The following ZFP2 variants were observed in gnomAD, a reference collection of about 807,000 sequenced individuals.
ZFP2 encodes the protein ZFP2 zinc finger protein.
In ZFP2, 33 loss-of-function variants were observed where a neutral mutation model predicts 36.1. The ratio of observed to expected loss-of-function variants is 0.92; its 90% confidence interval spans 0.69 to 1.22. The LOEUF (loss-of-function observed/expected upper bound fraction) is 1.22, where lower values mean the gene tolerates loss of function less well. ZFP2 is among the 50% of genes most tolerant of loss of function. The pLI, the probability that ZFP2 is intolerant of heterozygous loss-of-function variation, is 0.00. For synonymous variants in ZFP2, 170 were observed against 178.0 expected (o/e 0.96, Z 0.36); for missense variants, 522 against 551.4 (o/e 0.95, Z 0.53).
At chr5:178,927,666 TGTGTG>T (rs1561684995) in intron 4 of ZFP2, among the ~76,000 whole-genome samples, 2,378 of 106,100 alleles carry the variant, frequency 0.022, 44 homozygotes, top group African/African-American at 0.081. Flanking sequence ...CTGGCCAATG[TGTGTG>T]TGTGTGTGTG....
At chr5:178,910,044 G>T (rs1236191156) in intron 1 of ZFP2, 3 of 1,463,924 alleles carry the variant, frequency 2.0e-6, no homozygotes, top group Non-Finnish European at 2.9e-6. Context: ...CCCTTCTTCA[G>T]AGTCCAGGCC....
chr5:178,910,023 A>C (rs1410702542), intron 1 of ZFP2: 5 of 1,450,824 alleles, frequency 3.4e-6, no homozygotes, highest in Middle Eastern at 3.5e-4. Flanking sequence ...TTGCCGATGC[A>C]GTGACCACTG....
At position 178,910,280 on chromosome 5, in the gene ZFP2, G is replaced by A; in HGVS notation, c.-449-2304G>A. 3 of 1,397,976 alleles carry A rather than the reference G, an allele frequency of 2.1e-6. No individual in the cohort carries two copies. The Admixed American group carries it at 5.0e-5, about 23-fold the overall frequency. 86.6% of individuals were successfully genotyped at this position (1,397,976 alleles called of 1,614,324 possible). On this transcript the variant is annotated intron_variant, in intron 1 of 4. Coordinates refer to ENST00000361362, the MANE Select transcript of ZFP2 (RefSeq NM_030613.4). ...GGTCGACACATAGGTCATTGCAAAA[G>A]TGCTCCATGCCTTCCTCCAAAATTG...
intron 4 of ZFP2, among the ~76,000 whole-genome samples, chr5:178,929,139 C>G (rs1415997291): frequency 6.6e-6 from 1 of 151,802 alleles, no homozygotes; most frequent in Admixed American, 6.6e-5. Flanking sequence ...CCCAGGAAAC[C>G]ATTCAGTCAT....
At chr5:178,906,105 C>T (rs1758160072) in intron 1 of ZFP2, among the ~76,000 whole-genome samples, 2 of 152,276 alleles carry the variant, frequency 1.3e-5, no homozygotes, top group East Asian at 3.9e-4. Context: ...AGCACTTTAC[C>T]AGCCCACAGC....
Position 178,916,695 on chromosome 5 carries a change from C to T in ZFP2, c.-93C>T. The T allele has an allele frequency of 1.0e-6, 1 of 985,428 alleles. No individual in the cohort carries two copies. Among genetic ancestry groups the T allele is most frequent in the South Asian group, 4.7e-5 (1 of 21,284 alleles). The allele number at this position is 985,428 out of a possible 1,614,324, so 61.0% of individuals were successfully genotyped here. A position where few individuals can be genotyped will look rare whatever the true frequency, so the allele number is the denominator to read the frequency against. On this transcript the variant is annotated 5_prime_UTR_variant, in exon 4 of 5. Coordinates refer to ENST00000361362, the MANE Select transcript of ZFP2 (RefSeq NM_030613.4). ...CACAGCCAGCATCTCACTTACTTGACACAAAACATCTATAGGTAAGTACTG... is the reference window on the plus strand; with the variant it reads ...CACAGCCAGCATCTCACTTACTTGATACAAAACATCTATAGGTAAGTACTG...
In ZFP2 at chr5:178,922,637, G is replaced by A. The variant is rs1758580593; in HGVS notation, c.-78+5927G>A. 24 of 1,586,578 alleles carry A rather than the reference G, an allele frequency of 1.5e-5. 5 individuals carry two copies. In the Admixed American group the frequency reaches 1.7e-4, roughly 11 times the overall value. On this transcript the variant is annotated intron_variant, in intron 4 of 4. Transcript: ENST00000361362. ...GGCCCATCTCCTGTACGCTTGGAGC[G>A]ACCTTTGTCCACGTGGCTGGCCTTG...
chr5:178,896,872 A>AT (rs1757955302), intron 1 of ZFP2, among the ~76,000 whole-genome samples: 5 of 152,052 alleles, frequency 3.3e-5, no homozygotes, highest in Non-Finnish European at 7.4e-5. Flanking sequence ...TGGCCTAAAC[A>AT]CCCAATGAAG....
intron 4 of ZFP2, chr5:178,922,449 G>A: frequency 4.3e-6 from 6 of 1,383,756 alleles, no homozygotes; most frequent in Non-Finnish European, 6.2e-6. Context: ...CCTTACTTAT[G>A]TTTGTTAGGA....
rs565699563 is a variant in ZFP2, at chr5:178,928,476, A to C, written c.-77-2761A>C. ...TCCAAAAGGGAGAACTCTCTGCCAAAAGAAAGGGGCTATAGGCCCCATGAA... is the reference window on the plus strand; with the variant it reads ...TCCAAAAGGGAGAACTCTCTGCCAACAGAAAGGGGCTATAGGCCCCATGAA... On this transcript the variant is annotated intron_variant, in intron 4 of 4. Coordinates refer to ENST00000361362, the MANE Select transcript of ZFP2 (RefSeq NM_030613.4). 3.1e-4 allele frequency among the ~76,000 whole-genome samples: 47 copies of C among 152,340 alleles called. No individual in the cohort carries two copies. The South Asian group carries it at 8.3e-3, about 27-fold the overall frequency.
intron 4 of ZFP2, among the ~76,000 whole-genome samples, chr5:178,927,150 G>A (rs1444137923): frequency 3.3e-5 from 5 of 152,150 alleles, no homozygotes; most frequent in African/African-American, 1.2e-4. Flanking sequence ...TCAAGTCTGA[G>A]TAGCTACAAG....
At chr5:178,917,158 TATTC>T (rs1758449409) in intron 4 of ZFP2, among the ~76,000 whole-genome samples, 1 of 152,268 alleles carries the variant, frequency 6.6e-6, no homozygotes, top group African/African-American at 2.4e-5. Flanking sequence ...CATTTAATCA[TATTC>T]AGTTATGAAG....
intron 4 of ZFP2, among the ~76,000 whole-genome samples, chr5:178,926,091 C>G (rs1288522676): frequency 6.7e-6 from 1 of 149,510 alleles, no homozygotes; most frequent in Non-Finnish European, 1.5e-5. Flanking sequence ...AAGAAATCCT[C>G]CCACATCAAC....
At chr5:178,931,183 T>C in intron 4 of ZFP2, 54 bp from the exon 5 acceptor site, 1 of 1,457,844 alleles carries the variant, frequency 6.9e-7, no homozygotes, top group Non-Finnish European at 9.0e-7. Flanking sequence ...TTATGCAGTT[T>C]CCAGTCTCCT....
At chr5:178,912,392 C>G (rs956167167) in intron 1 of ZFP2, among the ~76,000 whole-genome samples, 192 bp from the exon 2 acceptor site, 7 of 152,164 alleles carry the variant, frequency 4.6e-5, no homozygotes, top group African/African-American at 1.7e-4. Context: ...TATACCTACT[C>G]TTCCTGTCCT....
At chr5:178,903,862 G>C (rs1366026557) in intron 1 of ZFP2, among the ~76,000 whole-genome samples, 1 of 152,170 alleles carries the variant, frequency 6.6e-6, no homozygotes, top group African/African-American at 2.4e-5. Context: ...ATGGTGGCAC[G>C]TGCCTGTAGT....
chr5:178,922,522 T>C (rs972699329), intron 4 of ZFP2: 2 of 1,390,354 alleles, frequency 1.4e-6, no homozygotes, highest in African/African-American at 2.8e-5. Context: ...TATGGGAGAA[T>C]AGTCTCCAGA....
intron 1 of ZFP2, chr5:178,910,459 T>C (rs1160943824): frequency 2.8e-6 from 2 of 707,272 alleles, no homozygotes; most frequent in African/African-American, 3.5e-5. Context: ...CAAGGCTATC[T>C]CTACTTGGCA....
At chr5:178,896,118 C>T (rs943745901) in intron 1 of ZFP2, 144 bp downstream of exon 1, 4 of 152,264 alleles carry the variant, frequency 2.6e-5, no homozygotes, top group Non-Finnish European at 5.9e-5. Flanking sequence ...GGGGTGCGGC[C>T]TCACTGCGCC....
Sources: gnomAD v4.1 joint callset for allele counts (sites outside exome capture counted in the v4.1 genomes callset) on GRCh38, gnomAD v4.1.1 for gene constraint, MANE v1.5 for transcripts, NCBI Gene and HGNC (gene_info 2026-07-23, HGNC 2026-07-21) for gene names.